Variants in NUP205 observed in about 807,000 individuals in gnomAD.
NUP205 encodes the protein nuclear pore complex protein Nup205.
NUP205 carries 76 observed loss-of-function variants against 253.8 expected under a neutral mutation model. The observed-to-expected ratio is 0.30, with a 90% CI of 0.25 to 0.36. The LOEUF (loss-of-function observed/expected upper bound fraction) is 0.36. NUP205 is among the 10% of genes least tolerant of loss of function. NUP205 has a pLI of 1.00. For synonymous variants in NUP205, 832 were observed against 850.1 expected, an observed-to-expected ratio of 0.98 and a Z score of 0.37; for missense variants, 2,162 against 2,425.5, an observed-to-expected ratio of 0.89 and a Z score of 2.28.
At chr7:135,621,938 G>C (rs1303485059) in intron 30 of NUP205, among the ~76,000 whole-genome samples, 1 of 151,898 alleles carries the variant, frequency 6.6e-6, no homozygotes, top group African/African-American at 2.4e-5. Context: ...CAGTAACTGG[G>C]ATTATAGGTG....
intron 38 of NUP205, among the ~76,000 whole-genome samples, chr7:135,641,773 C>T (rs1390185570): frequency 7.3e-6 from 1 of 136,320 alleles, no homozygotes; most frequent in Non-Finnish European, 1.7e-5. Flanking sequence ...GCACTCCAGC[C>T]TGGGTGACAA....
At chr7:135,639,409 C>T (rs1037403388) in intron 38 of NUP205, among the ~76,000 whole-genome samples, 2 of 151,878 alleles carry the variant, frequency 1.3e-5, no homozygotes, top group Admixed American at 6.6e-5. Context: ...TATTAGTGGC[C>T]GGGTGTGTGG....
Position 135,578,846 on chromosome 7 carries a change from C to A in NUP205, c.973C>A (p.Leu325Ile). Reference sequence around the variant, plus strand: ...CTCACAGCTTTGGAAACTGCCTGGGCTCCAAGCCACTGTTAGACTTGCCTG... The same window carrying A: ...CTCACAGCTTTGGAAACTGCCTGGGATCCAAGCCACTGTTAGACTTGCCTG... ...QDSQLWKLPG[L>I]QATVRLAWAL... Residue 325 changes from leucine to isoleucine, a missense_variant, in exon 7 of 43, where the codon CTC (leucine) becomes ATC (isoleucine). Physicochemically the swap from Leu to Ile is conservative, Grantham distance 5. Around this residue, in one of 5 missense-constraint regions of NUP205, gnomAD observed 892 missense variants for 957.1 expected, o/e 0.93. Transcript: ENST00000285968. 6.2e-7 allele frequency: 1 copy of A among 1,612,116 alleles called. No homozygotes were observed. The highest frequency in any genetic ancestry group is 1.1e-5 in the South Asian group (1 of 90,760).
intron 7 of NUP205, among the ~76,000 whole-genome samples, chr7:135,581,846 C>G (rs1374876283): frequency 6.6e-6 from 1 of 150,478 alleles, no homozygotes. Flanking sequence ...GAGTGAAACT[C>G]TGTTTCCAAA....
chr7:135,573,640 T>C lies in NUP205; in HGVS notation c.172-14T>C. On this transcript the variant is annotated splice_polypyrimidine_tract_variant and intron_variant, in intron 2 of 42. Coordinates refer to ENST00000285968, the MANE Select transcript of NUP205 (RefSeq NM_015135.3). ...TGTGCTATTTTCATAACAATTACAA[T>C]TTTATCATTGTAGCCAAAAAATGTT... The C allele has an allele frequency of 6.2e-7, 1 of 1,604,264 alleles. No individual in the cohort carries two copies. Among genetic ancestry groups the C allele is most frequent in the African/African-American group, 1.3e-5 (1 of 74,514 alleles).
intron 1 of NUP205, among the ~76,000 whole-genome samples, chr7:135,564,611 A>G (rs1805695450): frequency 6.6e-6 from 1 of 150,772 alleles, no homozygotes; most frequent in Admixed American, 6.6e-5. Flanking sequence ...GAACTCCTGC[A>G]CTTAAGCTCC....
Position 135,625,285 on chromosome 7 carries a change from G to A in NUP205, c.4601G>A (p.Arg1534His), listed in dbSNP as rs777822935. 19 of 1,613,922 alleles carry A rather than the reference G, an allele frequency of 1.2e-5. No individual in the cohort carries two copies. The highest frequency in any genetic ancestry group is 1.7e-5 in the Admixed American group (1 of 59,980). ...VLVDSLVEDD[R>H]TLQSLLTPQP... ...GTAGACAGCTTGGTAGAAGATGACCGTACTTTGCAGAGCTTACTCACCCCA... is the reference window on the plus strand; with the variant it reads ...GTAGACAGCTTGGTAGAAGATGACCATACTTTGCAGAGCTTACTCACCCCA... The change falls in exon 32 of 43, where the codon CGT (arginine) becomes CAT (histidine). Residue 1534 changes from arginine to histidine, a missense_variant. Around this residue, in one of 5 missense-constraint regions of NUP205, gnomAD observed 1,144 missense variants for 1,280.9 expected, o/e 0.89. Transcript: ENST00000285968.
chr7:135,648,639 A>G lies in NUP205; in HGVS notation c.*83A>G, dbSNP rs1795061817. ...TTATAGATTAGTTTCTTTCTAAATTATGACCAAAAATATTTTGCTATTTCT... is the reference window on the plus strand; with the variant it reads ...TTATAGATTAGTTTCTTTCTAAATTGTGACCAAAAATATTTTGCTATTTCT... On this transcript the variant is annotated 3_prime_UTR_variant, in exon 43 of 43. Coordinates refer to ENST00000285968, the MANE Select transcript of NUP205 (RefSeq NM_015135.3). 3.5e-6 allele frequency: 4 copies of G among 1,128,402 alleles called. No homozygotes were observed. The highest frequency in any genetic ancestry group is 4.7e-6 in the Non-Finnish European group (4 of 850,794). The allele number at this position is 1,128,402 out of a possible 1,614,324, so 69.9% of individuals were successfully genotyped here.
rs755988810 is a variant in NUP205 at position 135,587,836 on chromosome 7, C to T, written c.1336-19C>T. 2.1e-5 allele frequency: 34 copies of T among 1,601,990 alleles called. 1 individual carries two copies. In the South Asian group the frequency reaches 3.7e-4, roughly 18 times the overall value. ...TCAGTCATAGACATTTCCCTACAGT[C>T]TTTGCTTACTCTTTGCAGATTGGCG... On this transcript the variant is annotated intron_variant, in intron 9 of 42. Coordinates refer to ENST00000285968, the MANE Select transcript of NUP205 (RefSeq NM_015135.3).
At chr7:135,608,206 A>G (rs149854140) in intron 22 of NUP205, among the ~76,000 whole-genome samples, 4,608 of 151,822 alleles carry the variant, frequency 0.03, 100 homozygotes, top group Middle Eastern at 0.1. Context: ...TTGTATTTTT[A>G]GTAGAGACAG....
chr7:135,594,472 C>A, intron 12 of NUP205, 75 bp from the exon 13 acceptor site: 1 of 1,154,940 alleles, frequency 8.7e-7, no homozygotes, highest in Non-Finnish European at 1.2e-6. Flanking sequence ...TAAATGATAG[C>A]AATTTAGATG....
At chr7:135,621,096 T>C (rs981412868) in intron 30 of NUP205, among the ~76,000 whole-genome samples, 1 of 152,256 alleles carries the variant, frequency 6.6e-6, no homozygotes, top group African/African-American at 2.4e-5. Flanking sequence ...GTGAGTGTTA[T>C]TTTGTATACA....
At chr7:135,573,503 A>G (rs1806057948) in intron 2 of NUP205, 151 bp from the exon 3 acceptor site, 1 of 515,660 alleles carries the variant, frequency 1.9e-6, no homozygotes, top group East Asian at 3.1e-5. Context: ...ATATTACTTC[A>G]TAAAAGTCTG....
intron 1 of NUP205, among the ~76,000 whole-genome samples, chr7:135,570,029 T>TTATATATATATA (rs145414092): frequency 6.1e-5 from 6 of 98,592 alleles, no homozygotes; most frequent in East Asian, 3.1e-4. Context: ...TGTTTATGTT[T>TTATATATATATA]TATATATATA....
intron 35 of NUP205, among the ~76,000 whole-genome samples, chr7:135,633,824 G>A (rs990692132): frequency 4.6e-5 from 7 of 152,088 alleles, no homozygotes; most frequent in Admixed American, 2.0e-4. Flanking sequence ...TAACATTTTT[G>A]TTAAAAATAA....
intron 11 of NUP205, 148 bp downstream of exon 11, chr7:135,591,748 T>C: frequency 1.6e-6 from 1 of 636,612 alleles, no homozygotes; most frequent in Non-Finnish European, 2.7e-6. Context: ...GAAGCATGCA[T>C]ACAGCTTTAT....
At chr7:135,628,665 A>G (rs1794644860) in intron 34 of NUP205, among the ~76,000 whole-genome samples, 1 of 152,242 alleles carries the variant, frequency 6.6e-6, no homozygotes, top group South Asian at 2.1e-4. Flanking sequence ...TTTTTTAAAA[A>G]TTAATATTAT....
chr7:135,570,145 T>C (rs1215959409), intron 1 of NUP205, among the ~76,000 whole-genome samples: 15 of 149,788 alleles, frequency 1.0e-4, no homozygotes, highest in Non-Finnish European at 1.6e-4. Context: ...ACATAGCTAA[T>C]GAAGTGGTAA....
At chr7:135,646,713 C>T (rs1224936565) in intron 42 of NUP205, among the ~76,000 whole-genome samples, 2 of 152,194 alleles carry the variant, frequency 1.3e-5, no homozygotes, top group Non-Finnish European at 2.9e-5. Flanking sequence ...TGAACTCTAG[C>T]TTGACCATTT....
Sources: allele counts gnomAD v4.1 joint callset (sites outside exome capture counted in the v4.1 genomes callset), GRCh38; gene constraint gnomAD v4.1.1; regional missense constraint gnomAD v4.1.1; transcripts MANE v1.5; gene names NCBI Gene and HGNC (gene_info 2026-07-23, HGNC 2026-07-21).